Variants in ZMAT2 observed in about 807,000 individuals in gnomAD.
The protein encoded by ZMAT2 is zinc finger matrin-type protein 2.
In ZMAT2, 5 loss-of-function variants were observed where a neutral mutation model predicts 27.5. The ratio of observed to expected loss-of-function variants is 0.18; its 90% CI spans 0.10 to 0.38. The LOEUF (loss-of-function observed/expected upper bound fraction) is 0.38. ZMAT2 is among the 10% of genes least tolerant of loss of function. ZMAT2 has a pLI of 1.00. For synonymous variants in ZMAT2, 76 were observed against 78.6 expected (o/e 0.97, Z 0.17); for missense variants, 124 against 243.9 (o/e 0.51, Z 3.27).
rs1759948285 is a variant in ZMAT2, at chr5:140,700,916, G to A, written c.112+4G>A. 6.2e-7 allele frequency: 1 copy of A among 1,613,896 alleles called. No individual in the cohort carries two copies. On this transcript the variant is annotated splice_donor_region_variant and intron_variant, in intron 2 of 5. Transcript: ENST00000274712. The stretch of plus-strand genomic sequence containing the variant: ...GAAGAGAGAGAAAAGAAAGATGGTG[G>A]GTGCTAACTACATCAAGGGCTAAGG...
Position 140,701,987 on chromosome 5 carries a change from C to A in ZMAT2, c.113-19C>A. On this transcript the variant is annotated intron_variant, in intron 2 of 5. Coordinates refer to ENST00000274712, the MANE Select transcript of ZMAT2 (RefSeq NM_144723.3). The stretch of plus-strand genomic sequence containing the variant: ...GGAACTATAATATTGAAGGGACTTC[C>A]TTCCCCATTATGTTTCAGGAAAACC... The A allele has an allele frequency of 6.3e-7, 1 of 1,598,644 alleles. No homozygotes were observed. The highest frequency in any genetic ancestry group is 1.1e-5 in the South Asian group (1 of 87,976).
rs753285675 is a variant in ZMAT2 at position 140,700,911 on chromosome 5, T to C, written c.111T>C (p.Asp37=). ...KRLTEEREKK[D]GKPVQPVKRE... ...TCACGGAAGAGAGAGAAAAGAAAGA[T>C]GGTGGGTGCTAACTACATCAAGGGC... The change falls in exon 2 of 6, where the codon GAT becomes GAC. Residue 37 remains aspartate (D), a splice_region_variant and synonymous_variant. Coordinates refer to ENST00000274712, the MANE Select transcript of ZMAT2 (RefSeq NM_144723.3). 23 of 1,613,552 alleles carry C rather than the reference T, an allele frequency of 1.4e-5. No homozygotes were observed. The African/African-American group carries it at 2.8e-4, about 20-fold the overall frequency.
rs918657326 is a variant in ZMAT2, at chr5:140,703,854, C to T, written c.237-64C>T. On this transcript the variant is annotated intron_variant, in intron 3 of 5. Transcript: ENST00000274712. The stretch of plus-strand genomic sequence containing the variant: ...GAAGTTTACCTAAAAATTTGAGTTT[C>T]TTGGTTGAAAATGATAAGATCCTTA... The T allele has an allele frequency of 4.6e-6, 7 of 1,506,134 alleles. No homozygotes were observed. The African/African-American group carries it at 5.6e-5, about 12-fold the overall frequency. 93.3% of individuals were successfully genotyped at this position (1,506,134 alleles called of 1,614,324 possible).
In ZMAT2 at chr5:140,706,507, T is replaced by C. The variant is rs1450974869; in HGVS notation, c.*751T>C. Reference sequence around the variant, plus strand: ...TCATTTTCCTGAAGATTTATGTTTTTGTCTACCTTGTGAGCAGGCTTTTGG... The same window carrying C: ...TCATTTTCCTGAAGATTTATGTTTTCGTCTACCTTGTGAGCAGGCTTTTGG... On this transcript the variant is annotated 3_prime_UTR_variant, in exon 6 of 6. Coordinates refer to ENST00000274712, the MANE Select transcript of ZMAT2 (RefSeq NM_144723.3). 1.3e-5 allele frequency: 2 copies of C among 152,672 alleles called. No individual in the cohort carries two copies. The highest frequency in any genetic ancestry group is 2.9e-5 in the Non-Finnish European group (2 of 68,048). The allele number at this position is 152,672 out of a possible 1,614,324, so 9.5% of individuals were successfully genotyped here. A position where few individuals can be genotyped will look rare whatever the true frequency, so the allele number is the denominator to read the frequency against.
chr5:140,701,937 T>C, intron 2 of ZMAT2, 69 bp from the exon 3 acceptor site: 1 of 1,537,730 alleles, frequency 6.5e-7, no homozygotes, highest in Non-Finnish European at 8.8e-7. Flanking sequence ...TTGGATTTCA[T>C]GCATTTTTTT....
chr5:140,704,289 T>G lies in ZMAT2; in HGVS notation c.311-137T>G. The G allele has an allele frequency of 4.1e-6, 5 of 1,227,372 alleles. No individual in the cohort carries two copies. In the East Asian group the frequency reaches 1.2e-4, roughly 29 times the overall value. The allele number at this position is 1,227,372 out of a possible 1,614,324, so 76.0% of individuals were successfully genotyped here. A position where few individuals can be genotyped will look rare whatever the true frequency, so the allele number is the denominator to read the frequency against. ...ACCATGTGCTGCTCCTGGACCCAGCTGGCCAAGGGAGTTTCTTTTAGCCAT... is the reference window on the plus strand; with the variant it reads ...ACCATGTGCTGCTCCTGGACCCAGCGGGCCAAGGGAGTTTCTTTTAGCCAT... On this transcript the variant is annotated intron_variant, in intron 4 of 5. Coordinates refer to ENST00000274712, the MANE Select transcript of ZMAT2 (RefSeq NM_144723.3).
In ZMAT2 at chr5:140,704,576, G is replaced by A; in HGVS notation, c.456+5G>A. ...ATGAAGGAGCTCAGAGAAGAGGTAAGGGTCTCCTATCCTTCCCCTCTCCCC... is the reference window on the plus strand; with the variant it reads ...ATGAAGGAGCTCAGAGAAGAGGTAAAGGTCTCCTATCCTTCCCCTCTCCCC... On this transcript the variant is annotated splice_donor_5th_base_variant and intron_variant, in intron 5 of 5. Coordinates refer to ENST00000274712, the MANE Select transcript of ZMAT2 (RefSeq NM_144723.3). The A allele has an allele frequency of 6.2e-7, 1 of 1,613,152 alleles. No homozygotes were observed.
intron 3 of ZMAT2, 52 bp downstream of exon 3, chr5:140,702,181 A>C: frequency 6.3e-7 from 1 of 1,597,684 alleles, no homozygotes; most frequent in Non-Finnish European, 8.5e-7. Context: ...CTAATAAGCC[A>C]CCTATTTTGG....
intron 5 of ZMAT2, among the ~76,000 whole-genome samples, chr5:140,705,000 T>C (rs1310361839): frequency 6.6e-6 from 1 of 152,142 alleles, no homozygotes; most frequent in Non-Finnish European, 1.5e-5. Context: ...ACCCAAATTA[T>C]CTAACACAAA....
intron 3 of ZMAT2, among the ~76,000 whole-genome samples, chr5:140,702,559 CTTG>C (rs1443815222): frequency 2.6e-5 from 4 of 152,128 alleles, no homozygotes; most frequent in African/African-American, 9.7e-5. Context: ...TGCCATTGTA[CTTG>C]TTATCAATTC....
chr5:140,705,962 G>T lies in ZMAT2; in HGVS notation c.*206G>T, dbSNP rs1760050685. ...GGTAATGCTGTGGCATATTGCTTCT[G>T]CCTCAGTGTATCACTGGAGTCACAG... On this transcript the variant is annotated 3_prime_UTR_variant, in exon 6 of 6. Transcript: ENST00000274712. The T allele has an allele frequency of 1.7e-6, 1 of 576,734 alleles. No individual in the cohort carries two copies. Among genetic ancestry groups the T allele is most frequent in the Admixed American group, 3.3e-5 (1 of 29,986 alleles). The allele number at this position is 576,734 out of a possible 1,614,324, so 35.7% of individuals were successfully genotyped here. A position where few individuals can be genotyped will look rare whatever the true frequency, so the allele number is the denominator to read the frequency against.
At chr5:140,700,651 G>C (rs1759942797) in intron 1 of ZMAT2, among the ~76,000 whole-genome samples, 168 bp from the exon 2 acceptor site, 1 of 152,146 alleles carries the variant, frequency 6.6e-6, no homozygotes, top group Admixed American at 6.5e-5. Flanking sequence ...TAGAATCGCG[G>C]AGGTTTCTCG....
chr5:140,704,962 G>A (rs1291309891), intron 5 of ZMAT2, among the ~76,000 whole-genome samples: 1 of 151,908 alleles, frequency 6.6e-6, no homozygotes, highest in Non-Finnish European at 1.5e-5. Flanking sequence ...CTACCTTAAT[G>A]TGCTCAGAAC....
chr5:140,704,937 G>A (rs1465185464), intron 5 of ZMAT2, among the ~76,000 whole-genome samples: 1 of 151,502 alleles, frequency 6.6e-6, no homozygotes, highest in Non-Finnish European at 1.5e-5. Context: ...CTAACCTACT[G>A]TAGTTTAGCC....
intron 3 of ZMAT2, among the ~76,000 whole-genome samples, chr5:140,703,175 C>G (rs1759995367): frequency 6.6e-6 from 1 of 151,830 alleles, no homozygotes; most frequent in African/African-American, 2.4e-5. Flanking sequence ...TCTCACATGC[C>G]TGTGGTTTGG....
In ZMAT2 at chr5:140,700,857, T is replaced by G; in HGVS notation, c.57T>G (p.Asp19Glu). Reference protein sequence around the residue: ...NLDFRRKWDKDEYEKLAEKRL... With the variant: ...NLDFRRKWDKEEYEKLAEKRL... ...ACTTTCGCCGAAAGTGGGACAAAGA[T>G]GAATATGAGAAACTCGCCGAGAAGA... Residue 19 changes from aspartate to glutamate, a missense_variant, in exon 2 of 6, where the codon GAT becomes GAG. This residue lies in a region of ZMAT2 where 24 missense variants were observed against 24.1 expected (regional missense o/e 0.99). Transcript: ENST00000274712. 6.2e-7 allele frequency: 1 copy of G among 1,613,854 alleles called. No homozygotes were observed. The highest frequency in any genetic ancestry group is 8.5e-7 in the Non-Finnish European group (1 of 1,179,954).
intron 1 of ZMAT2, 119 bp downstream of exon 1, chr5:140,700,597 C>A: frequency 6.4e-7 from 1 of 1,566,926 alleles, no homozygotes; most frequent in Non-Finnish European, 8.7e-7. Flanking sequence ...TCCCAGGGTT[C>A]AGGTTCAAGA....
chr5:140,705,156 A>G (rs1475176250), intron 5 of ZMAT2, among the ~76,000 whole-genome samples: 2 of 152,192 alleles, frequency 1.3e-5, no homozygotes, highest in Non-Finnish European at 2.9e-5. Flanking sequence ...TCTTGTCAGC[A>G]TCATAAGTTG....
intron 3 of ZMAT2, among the ~76,000 whole-genome samples, chr5:140,702,461 C>T (rs1211772490): frequency 6.6e-6 from 1 of 152,100 alleles, no homozygotes; most frequent in Admixed American, 6.5e-5. Context: ...CACAGTGAGA[C>T]CCTGTCTCAA....
Sources: gnomAD v4.1 joint callset for allele counts (sites outside exome capture counted in the v4.1 genomes callset) on GRCh38, gnomAD v4.1.1 for gene constraint, gnomAD v4.1.1 regional missense constraint, MANE v1.5 for transcripts, NCBI Gene and HGNC (gene_info 2026-07-23, HGNC 2026-07-21) for gene names.